The following SYT1 variants were observed in gnomAD, a reference collection of about 807,000 sequenced individuals.
SYT1 encodes synaptotagmin 1, also known as synaptotagmin-1.
Under a neutral mutation model 44.8 loss-of-function variants are expected in SYT1, and 8 were observed. The observed-to-expected ratio is 0.18, with a 90% CI of 0.10 to 0.32. The LOEUF (loss-of-function observed/expected upper bound fraction) is 0.32. Among genes scored for constraint, SYT1 ranks in the 10% least tolerant of loss-of-function variants. The pLI, the probability that SYT1 is intolerant of heterozygous loss-of-function variation, is 1.00. For synonymous variants in SYT1, 154 were observed against 188.8 expected, an observed-to-expected ratio of 0.82 and a Z score of 1.51; for missense variants, 286 against 509.3, an observed-to-expected ratio of 0.56 and a Z score of 4.22.
intron 10 of SYT1, among the ~76,000 whole-genome samples, chr12:79,448,017 T>C (rs1870831880): frequency 1.3e-5 from 2 of 152,214 alleles, no homozygotes; most frequent in South Asian, 2.1e-4. Context: ...AGCTGCTAGA[T>C]TGAAACCATC....
intron 4 of SYT1, among the ~76,000 whole-genome samples, chr12:79,237,869 C>T (rs1384663302): frequency 6.6e-6 from 1 of 152,048 alleles, no homozygotes. Flanking sequence ...AGTAGAAAGT[C>T]TCAAAGATGT....
intron 1 of SYT1, among the ~76,000 whole-genome samples, chr12:78,947,157 C>T (rs140559289): frequency 1.6e-3 from 242 of 152,258 alleles, no homozygotes; most frequent in African/African-American, 4.7e-3. Flanking sequence ...CAACTACTTT[C>T]CCCTGCTATC....
At chr12:79,048,779 A>C (rs866418716) in intron 3 of SYT1, among the ~76,000 whole-genome samples, 58 of 151,884 alleles carry the variant, frequency 3.8e-4, no homozygotes, top group African/African-American at 5.3e-4. Flanking sequence ...ATATATAACA[A>C]TTTTTGAAAC....
intron 3 of SYT1, among the ~76,000 whole-genome samples, chr12:79,051,275 A>G (rs999323767): frequency 6.6e-6 from 1 of 151,142 alleles, no homozygotes; most frequent in Non-Finnish European, 1.5e-5. Flanking sequence ...AATGATGTTT[A>G]TAAAAGTTAT....
chr12:79,032,843 A>G (rs1019685752), intron 2 of SYT1, among the ~76,000 whole-genome samples: 12 of 151,314 alleles, frequency 7.9e-5, no homozygotes, highest in Non-Finnish European at 1.6e-4. Context: ...ACGCTAAGGG[A>G]TTCTATGGCA....
intron 4 of SYT1, among the ~76,000 whole-genome samples, chr12:79,243,240 G>GT (rs1876620678): frequency 1.3e-5 from 2 of 152,266 alleles, no homozygotes; most frequent in Admixed American, 1.3e-4. Flanking sequence ...ATATCAAATA[G>GT]TCTCCAAAAT....
intron 1 of SYT1, among the ~76,000 whole-genome samples, chr12:78,971,200 A>G (rs1206824537): frequency 6.6e-6 from 1 of 152,172 alleles, no homozygotes; most frequent in African/African-American, 2.4e-5. Context: ...ATTTTCTCTC[A>G]TCATAATTAC....
At chr12:78,959,241 C>T (rs995844595) in intron 1 of SYT1, among the ~76,000 whole-genome samples, 3 of 152,056 alleles carry the variant, frequency 2.0e-5, no homozygotes, top group Non-Finnish European at 4.4e-5. Context: ...TTTATATATG[C>T]ATGCTGTATT....
chr12:78,942,980 A>AG (rs1878461239), intron 1 of SYT1, among the ~76,000 whole-genome samples: 1 of 152,198 alleles, frequency 6.6e-6, no homozygotes. Flanking sequence ...AAAACTGACC[A>AG]GGGCTTTCCT....
chr12:79,137,156 T>G (rs1046159897), intron 3 of SYT1, among the ~76,000 whole-genome samples: 1 of 151,912 alleles, frequency 6.6e-6, no homozygotes, highest in Non-Finnish European at 1.5e-5. Context: ...AGTGCAATGG[T>G]GCAATCTCGG....
At chr12:79,112,156 C>T (rs1303262119) in intron 3 of SYT1, among the ~76,000 whole-genome samples, 2 of 151,868 alleles carry the variant, frequency 1.3e-5, no homozygotes, top group Non-Finnish European at 2.9e-5. Context: ...TATGCTAGTA[C>T]ATGAGGAATT....
chr12:79,183,725 A>G (rs1872663482), intron 3 of SYT1, among the ~76,000 whole-genome samples: 1 of 152,004 alleles, frequency 6.6e-6, no homozygotes. Flanking sequence ...TAAACAGAGA[A>G]TGTTCAGGTT....
intron 8 of SYT1, among the ~76,000 whole-genome samples, chr12:79,312,854 A>G (rs1380639953): frequency 9.2e-5 from 13 of 141,666 alleles, no homozygotes; most frequent in African/African-American, 3.5e-4. Flanking sequence ...TTTATTTTTC[A>G]GAGTCACTTA....
intron 2 of SYT1, among the ~76,000 whole-genome samples, chr12:79,043,012 C>T (rs1342499441): frequency 6.9e-6 from 1 of 144,466 alleles, no homozygotes; most frequent in Non-Finnish European, 1.5e-5. Context: ...AATTTCTGTT[C>T]TTTTACATTT....
chr12:79,367,379 C>T (rs908422839), intron 9 of SYT1, among the ~76,000 whole-genome samples: 2 of 152,184 alleles, frequency 1.3e-5, no homozygotes, highest in East Asian at 1.9e-4. Flanking sequence ...GGTCCCAGAG[C>T]AGCTCCTGGT....
At chr12:79,123,266 C>G (rs144167069) in intron 3 of SYT1, among the ~76,000 whole-genome samples, 53 of 149,630 alleles carry the variant, frequency 3.5e-4, no homozygotes, top group Non-Finnish European at 6.8e-4. Flanking sequence ...TCAATGGGTC[C>G]AGTACTCGGT....
At chr12:79,215,901 A>G (rs550243449) in intron 3 of SYT1, among the ~76,000 whole-genome samples, 1 of 147,330 alleles carries the variant, frequency 6.8e-6, no homozygotes, top group Non-Finnish European at 1.5e-5. Context: ...CAACTCACAA[A>G]TCGTTTGCAT....
intron 3 of SYT1, among the ~76,000 whole-genome samples, chr12:79,110,110 C>T (rs1192951051): frequency 6.6e-6 from 1 of 152,120 alleles, no homozygotes; most frequent in Non-Finnish European, 1.5e-5. Context: ...CATATTGTCT[C>T]CTATTGACTT....
chr12:79,042,267 G>C (rs1393042696), intron 2 of SYT1, among the ~76,000 whole-genome samples: 1 of 151,232 alleles, frequency 6.6e-6, no homozygotes. Flanking sequence ...GACTCTTTTT[G>C]GTTGGTAAGC....
Sources: allele counts gnomAD v4.1 joint callset (sites outside exome capture counted in the v4.1 genomes callset), GRCh38; gene constraint gnomAD v4.1.1; transcripts MANE v1.5; gene names NCBI Gene and HGNC (gene_info 2026-07-23, HGNC 2026-07-21).